The following EVI5 variants were observed in gnomAD, a reference collection of about 807,000 sequenced individuals.
EVI5 encodes ecotropic viral integration site 5.
Under a neutral mutation model 112.0 loss-of-function variants are expected in EVI5, and 73 were observed. That is an observed-to-expected ratio of 0.65 (90% CI 0.54 to 0.79). EVI5 has a LOEUF of 0.79. EVI5 is among the 30% of genes least tolerant of loss of function. The probability of loss-of-function intolerance (pLI) is 0.00; values close to 1 mark genes in which losing one functional copy is unlikely to be tolerated. For missense variants in EVI5, 900 were observed against 968.8 expected (o/e 0.93, Z 0.94); for synonymous variants, 305 against 319.9 (o/e 0.95, Z 0.50).
intron 1 of EVI5, among the ~76,000 whole-genome samples, chr1:92,746,492 G>A (rs1200933367): frequency 1.3e-5 from 2 of 152,184 alleles, no homozygotes; most frequent in Non-Finnish European, 2.9e-5. Flanking sequence ...CTGGGAGGCC[G>A]AGGTGGGTGG....
intron 2 of EVI5, among the ~76,000 whole-genome samples, chr1:92,731,822 G>A (rs1380252102): frequency 6.6e-6 from 1 of 152,068 alleles, no homozygotes; most frequent in East Asian, 1.9e-4. Context: ...AAATGGTACA[G>A]GAATAATTAG....
At chr1:92,616,193 C>A (rs1653087634) in intron 16 of EVI5, among the ~76,000 whole-genome samples, 1 of 152,118 alleles carries the variant, frequency 6.6e-6, no homozygotes, top group Admixed American at 6.6e-5. Flanking sequence ...TTTAGACCTA[C>A]TCATCTCAGC....
chr1:92,626,631 AT>A (rs1655728540), intron 14 of EVI5, among the ~76,000 whole-genome samples: 1 of 152,164 alleles, frequency 6.6e-6, no homozygotes, highest in Non-Finnish European at 1.5e-5. Flanking sequence ...ACTGCTTTTC[AT>A]TTTCACTAGC....
chr1:92,765,869 A>G (rs1458112319), intron 1 of EVI5, among the ~76,000 whole-genome samples: 1 of 152,006 alleles, frequency 6.6e-6, no homozygotes, highest in Non-Finnish European at 1.5e-5. Context: ...TCAGGCTGCA[A>G]GCTCGAGATC....
intron 1 of EVI5, chr1:92,749,414 G>T: frequency 6.2e-6 from 1 of 162,080 alleles, no homozygotes; most frequent in Non-Finnish European, 1.3e-5. Context: ...CTTTTAATAT[G>T]GATACTCTAG....
chr1:92,673,858 A>C (rs1293910912), intron 10 of EVI5, among the ~76,000 whole-genome samples: 2 of 152,212 alleles, frequency 1.3e-5, no homozygotes, highest in African/African-American at 2.4e-5. Context: ...TGACAGATAT[A>C]GTTCTTAGAA....
At chr1:92,617,489 T>C (rs1571911805) in intron 16 of EVI5, among the ~76,000 whole-genome samples, 1 of 152,140 alleles carries the variant, frequency 6.6e-6, no homozygotes, top group Non-Finnish European at 1.5e-5. Context: ...ATTGAGTGGA[T>C]AAGATGACCT....
At chr1:92,559,290 A>T (rs1183933411) in intron 19 of EVI5, among the ~76,000 whole-genome samples, 1 of 152,204 alleles carries the variant, frequency 6.6e-6, no homozygotes, top group Non-Finnish European at 1.5e-5. Context: ...AAATCCACGG[A>T]TACAGAGGAC....
chr1:92,589,755 T>A (rs1317818855), intron 18 of EVI5, among the ~76,000 whole-genome samples: 1 of 152,134 alleles, frequency 6.6e-6, no homozygotes, highest in African/African-American at 2.4e-5. Flanking sequence ...TCTGACAGCT[T>A]TGAAGAGAGT....
At chr1:92,743,884 T>C (rs577523372) in intron 1 of EVI5, among the ~76,000 whole-genome samples, 1 of 152,310 alleles carries the variant, frequency 6.6e-6, no homozygotes, top group Non-Finnish European at 1.5e-5. Context: ...ATTTATTTTA[T>C]TCTGCTTGCT....
chr1:92,779,583 T>C (rs1477346845), intron 1 of EVI5, among the ~76,000 whole-genome samples: 1 of 151,162 alleles, frequency 6.6e-6, no homozygotes, highest in African/African-American at 2.4e-5. Flanking sequence ...AGAACAGATA[T>C]GGCACCCATG....
Position 92,677,228 on chromosome 1 carries a change from GAAA to G in EVI5, c.1098-13_1098-11del. ...GTATTCCTTTTCAAGCCTAAGAAAG[GAAA>G]AAAAAAGAGTTAAAGGTAATGTTTT... is the stretch of plus-strand genomic sequence containing the variant. On this transcript the variant is annotated splice_polypyrimidine_tract_variant and intron_variant, in intron 9 of 19. Coordinates refer to ENST00000684568, the MANE Select transcript of EVI5 (RefSeq NM_001350197.2). The G allele has an allele frequency of 7.1e-7, 1 of 1,405,468 alleles. No homozygotes were observed. Among genetic ancestry groups the G allele is most frequent in the Non-Finnish European group, 9.7e-7 (1 of 1,030,402 alleles). The allele number at this position is 1,405,468 out of a possible 1,614,324, so 87.1% of individuals were successfully genotyped here.
chr1:92,588,891 T>A (rs966758644), intron 18 of EVI5, among the ~76,000 whole-genome samples: 3 of 152,258 alleles, frequency 2.0e-5, no homozygotes, highest in African/African-American at 4.8e-5. Flanking sequence ...AAACATATTT[T>A]GACTGTGGCT....
intron 15 of EVI5, 31 bp from the exon 16 acceptor site, chr1:92,624,365 T>A (rs1286739267): frequency 1.3e-6 from 2 of 1,584,144 alleles, no homozygotes; most frequent in Non-Finnish European, 8.6e-7. Flanking sequence ...TTGCAACAAA[T>A]ACTCTCAGTA....
intron 1 of EVI5, among the ~76,000 whole-genome samples, chr1:92,765,653 C>T (rs1197047680): frequency 6.6e-6 from 1 of 152,090 alleles, no homozygotes; most frequent in Non-Finnish European, 1.5e-5. Flanking sequence ...CTTTTCAACA[C>T]AGAATTTTGC....
intron 1 of EVI5, among the ~76,000 whole-genome samples, chr1:92,738,209 T>G (rs1314205582): frequency 6.6e-6 from 1 of 152,154 alleles, no homozygotes; most frequent in Non-Finnish European, 1.5e-5. Context: ...GAAGCCATAG[T>G]AGGCACTAAG....
rs1557685982 is a variant in EVI5 at position 92,513,393 on chromosome 1, T to A, written c.*263A>T. ...ATTTTCTAAACAAGAAACATTAATA[T>A]TCAGTAATACTGTTAGAACCTTGTT... On this transcript the variant is annotated 3_prime_UTR_variant, in exon 20 of 20. Coordinates refer to ENST00000684568, the MANE Select transcript of EVI5 (RefSeq NM_001350197.2). The A allele has an allele frequency of 6.1e-6, 1 of 162,814 alleles. No homozygotes were observed. Among genetic ancestry groups the A allele is most frequent in the Non-Finnish European group, 1.3e-5 (1 of 75,250 alleles). 10.1% of individuals were successfully genotyped at this position (162,814 alleles called of 1,614,324 possible). A position where few individuals can be genotyped will look rare whatever the true frequency, so the allele number is the denominator to read the frequency against.
At chr1:92,577,381 C>T (rs1233473229) in intron 18 of EVI5, among the ~76,000 whole-genome samples, 1 of 152,194 alleles carries the variant, frequency 6.6e-6, no homozygotes, top group Non-Finnish European at 1.5e-5. Context: ...GACTGGCAGC[C>T]TGGAAGTTTT....
intron 16 of EVI5, among the ~76,000 whole-genome samples, chr1:92,611,127 C>CAA (rs33945203): frequency 3.4e-5 from 2 of 58,832 alleles, no homozygotes; most frequent in Non-Finnish European, 6.3e-5. Context: ...ATAAATCCCC[C>CAA]CAAAAAAAAG....
Sources: allele counts gnomAD v4.1 joint callset (sites outside exome capture counted in the v4.1 genomes callset), GRCh38; gene constraint gnomAD v4.1.1; transcripts MANE v1.5; gene names NCBI Gene and HGNC (gene_info 2026-07-23, HGNC 2026-07-21).